The following GLIS1 variants were observed in gnomAD, a reference collection of about 807,000 sequenced individuals.
The protein encoded by GLIS1 is GLIS family zinc finger 1, also known as zinc finger protein GLIS1.
In GLIS1, 24 loss-of-function variants were observed where a neutral mutation model predicts 63.8. That is an observed-to-expected ratio of 0.38 (90% confidence interval 0.27 to 0.53). The LOEUF is 0.53. GLIS1 is among the 20% of genes least tolerant of loss of function. GLIS1 has a pLI of 0.85. For synonymous variants in GLIS1, 450 were observed against 482.5 expected (o/e 0.93, Z 0.88); for missense variants, 1,036 against 1,074.1 (o/e 0.96, Z 0.50).
chr1:53,559,848 ACT>A (rs939917697), intron 4 of GLIS1, among the ~76,000 whole-genome samples: 81 of 151,704 alleles, frequency 5.3e-4, no homozygotes, highest in African/African-American at 1.8e-3. Flanking sequence ...ATATACACAC[ACT>A]CTATCACACA....
intron 2 of GLIS1, among the ~76,000 whole-genome samples, chr1:53,661,638 T>G (rs1375061605): frequency 6.6e-6 from 1 of 152,144 alleles, no homozygotes; most frequent in African/African-American, 2.4e-5. Flanking sequence ...AGAAAGGCGC[T>G]GACTCCTTAA....
chr1:53,599,675 A>G (rs958493327), intron 3 of GLIS1, among the ~76,000 whole-genome samples: 2 of 152,368 alleles, frequency 1.3e-5, no homozygotes, highest in Middle Eastern at 3.4e-3. Flanking sequence ...GAAGTGTGCA[A>G]GCACTGAGTG....
intron 2 of GLIS1, among the ~76,000 whole-genome samples, chr1:53,674,009 G>GA (rs1646184342): frequency 6.6e-6 from 1 of 151,976 alleles, no homozygotes; most frequent in Admixed American, 6.5e-5. Context: ...CCGTCTCTAT[G>GA]AAAAATACAA....
intron 4 of GLIS1, among the ~76,000 whole-genome samples, chr1:53,569,319 A>G (rs1490935906): frequency 6.6e-6 from 1 of 152,232 alleles, no homozygotes; most frequent in Non-Finnish European, 1.5e-5. Flanking sequence ...ATGATGTGTC[A>G]ATGTAGGTTC....
In GLIS1 at chr1:53,515,524, T is replaced by G. The variant is rs1644343699; in HGVS notation, c.1727-743A>C. On this transcript the variant is annotated intron_variant, in intron 7 of 10. Transcript: ENST00000628545. ...AGTCAGCCTCATTCTAGTCTCAGATTCTAAACCTTCAGAAGACACCTGCAG... is the reference window on the plus strand; with the variant it reads ...AGTCAGCCTCATTCTAGTCTCAGATGCTAAACCTTCAGAAGACACCTGCAG... 8.5e-5 allele frequency among the ~76,000 whole-genome samples: 13 copies of G among 152,082 alleles called. No individual in the cohort carries two copies. In the South Asian group the frequency reaches 2.7e-3, roughly 32 times the overall value.
chr1:53,732,231 G>T (rs995156088), intron 2 of GLIS1, among the ~76,000 whole-genome samples: 3 of 152,202 alleles, frequency 2.0e-5, no homozygotes, highest in African/African-American at 7.2e-5. Context: ...GAGTTTAAGG[G>T]GGAAAAAGGG....
chr1:53,603,974 G>A (rs1426010109), intron 2 of GLIS1, among the ~76,000 whole-genome samples: 2 of 152,200 alleles, frequency 1.3e-5, no homozygotes, highest in East Asian at 1.9e-4. Flanking sequence ...GCCTGGATTG[G>A]CACTTTTTAA....
intron 4 of GLIS1, among the ~76,000 whole-genome samples, chr1:53,567,694 A>G (rs1232495036): frequency 1.3e-5 from 2 of 152,208 alleles, no homozygotes; most frequent in African/African-American, 4.8e-5. Flanking sequence ...GGTGTTCTGC[A>G]TCTCAGCTGC....
chr1:53,510,009 G>C lies in GLIS1; in HGVS notation c.1902C>G (p.Leu634=). 7.8e-7 allele frequency: 1 copy of C among 1,274,632 alleles called. No individual in the cohort carries two copies. 79.0% of individuals were successfully genotyped at this position (1,274,632 alleles called of 1,614,324 possible). The change falls in exon 9 of 11, where the codon CTC becomes CTG. Residue 634 remains leucine, a synonymous_variant. Coordinates refer to ENST00000628545, the MANE Select transcript of GLIS1 (RefSeq NM_001367484.1). ...CCTTCAGGGGGCTGACTATTGGTGA[G>C]AGGAGGCCGGGCCCCAACCTGGAGA... ...STRDGLGPGL[L]SPIVSPLKGL...
intron 4 of GLIS1, among the ~76,000 whole-genome samples, chr1:53,558,793 C>T (rs1290783127): frequency 2.0e-5 from 3 of 152,224 alleles, no homozygotes; most frequent in Non-Finnish European, 4.4e-5. Context: ...GCACCATTCA[C>T]CCTGCTCCAT....
At chr1:53,608,827 C>G (rs962725585) in intron 2 of GLIS1, among the ~76,000 whole-genome samples, 2 of 152,158 alleles carry the variant, frequency 1.3e-5, no homozygotes, top group Admixed American at 1.3e-4. Context: ...GTGAATGGCT[C>G]AGAGAGAGAC....
chr1:53,534,711 C>T (rs1024768991), intron 4 of GLIS1, among the ~76,000 whole-genome samples: 2 of 150,350 alleles, frequency 1.3e-5, no homozygotes, highest in African/African-American at 2.5e-5. Context: ...CTTCCACTCA[C>T]GCACTTCTGC....
rs1644398355 is a variant in GLIS1, at chr1:53,520,644, C to T, written c.1716G>A (p.Glu572=). The stretch of plus-strand genomic sequence containing the variant: ...TCCCCGCACACGTACCTGGGAGCAG[C>T]TCCTGGCCCAGGCCACAGCCACCCT... ...DGKGGCGLGQ[E]LLPGVYPGSI... is the part of the protein sequence containing the mutation. The change falls in exon 7 of 11, where the codon GAG becomes GAA. Residue 572 remains glutamate, a synonymous_variant. Coordinates refer to ENST00000628545, the MANE Select transcript of GLIS1 (RefSeq NM_001367484.1). 1 of 1,609,364 alleles carries T rather than the reference C, an allele frequency of 6.2e-7. No individual in the cohort carries two copies. Among genetic ancestry groups the T allele is most frequent in the Non-Finnish European group, 8.5e-7 (1 of 1,178,390 alleles).
rs377008135 is a variant in GLIS1 at position 53,539,255 on chromosome 1, C to A, written c.1321-9303G>T. ...ACACACACATGGATTCACACACACA[C>A]ACACACCAAGACCCAGAAACTCCCT... On this transcript the variant is annotated intron_variant, in intron 4 of 10. Transcript: ENST00000628545. The surrounding 1 kb of genome is among the most constrained non-coding windows in gnomAD (Gnocchi z 5.0). 1.6e-4 allele frequency among the ~76,000 whole-genome samples: 23 copies of A among 147,522 alleles called. No homozygotes were observed. The highest frequency in any genetic ancestry group is 5.5e-4 in the African/African-American group (22 of 39,824).
chr1:53,549,894 G>A (rs1438124623), intron 4 of GLIS1, among the ~76,000 whole-genome samples: 1 of 152,152 alleles, frequency 6.6e-6, no homozygotes, highest in Admixed American at 6.5e-5. Context: ...ACCCTGCTCA[G>A]GTCACCCACC....
At chr1:53,629,763 A>G (rs535559616) in intron 2 of GLIS1, among the ~76,000 whole-genome samples, 1 of 152,218 alleles carries the variant, frequency 6.6e-6, no homozygotes, top group African/African-American at 2.4e-5. Flanking sequence ...TGCCTACTAC[A>G]TATTATTATA....
In GLIS1 at chr1:53,506,700, G is replaced by T. The variant is rs769314790; in HGVS notation, c.2307C>A (p.Gly769=). ...TGGGGAAGAAGCCACAGTCCTCGGG[G>T]CCGCTGGACACCACATCTTCAGATG... is the stretch of plus-strand genomic sequence containing the variant. ...QQPSEDVVSS[G]PEDCGFFPNG... The change falls in exon 11 of 11, where the codon GGC becomes GGA. Residue 769 remains glycine, a synonymous_variant. Transcript: ENST00000628545. The T allele has an allele frequency of 6.2e-7, 1 of 1,613,474 alleles. No homozygotes were observed. Among genetic ancestry groups the T allele is most frequent in the Non-Finnish European group, 8.5e-7 (1 of 1,179,996 alleles).
intron 2 of GLIS1, among the ~76,000 whole-genome samples, chr1:53,658,469 G>C (rs1200296928): frequency 6.6e-6 from 1 of 152,188 alleles, no homozygotes; most frequent in Non-Finnish European, 1.5e-5. Flanking sequence ...GCAGTCTACA[G>C]GAAAGGAAAA....
At chr1:53,614,136 G>T (rs974563074) in intron 2 of GLIS1, among the ~76,000 whole-genome samples, 1 of 152,110 alleles carries the variant, frequency 6.6e-6, no homozygotes, top group Non-Finnish European at 1.5e-5. Flanking sequence ...CCAAAAATGC[G>T]GTGTTCCAGT....
Sources: allele counts gnomAD v4.1 joint callset (sites outside exome capture counted in the v4.1 genomes callset), GRCh38; gene constraint gnomAD v4.1.1; non-coding constraint Gnocchi (gnomAD v3.1); transcripts MANE v1.5; gene names NCBI Gene and HGNC (gene_info 2026-07-23, HGNC 2026-07-21).